The following VIPR2 variants were observed in gnomAD, a reference collection of about 807,000 sequenced individuals.
VIPR2 encodes the protein vasoactive intestinal polypeptide receptor 2.
In VIPR2, 48 loss-of-function variants were observed where a neutral mutation model predicts 58.0. The ratio of observed to expected loss-of-function variants is 0.83; its 90% CI spans 0.66 to 1.05. VIPR2 has a LOEUF of 1.05. VIPR2 is among the 50% of genes least tolerant of loss of function. The pLI is 0.00. For missense variants in VIPR2, 534 were observed against 558.0 expected (o/e 0.96, Z 0.43); for synonymous variants, 243 against 235.2 (o/e 1.03, Z -0.30).
intron 5 of VIPR2, among the ~76,000 whole-genome samples, chr7:159,048,971 G>C (rs989618891): frequency 6.6e-6 from 1 of 152,136 alleles, no homozygotes; most frequent in African/African-American, 2.4e-5. Context: ...CTCATTCTTA[G>C]CCTTCAGTTT....
intron 2 of VIPR2, among the ~76,000 whole-genome samples, chr7:159,126,355 G>A (rs996699152): frequency 1.3e-5 from 2 of 152,206 alleles, no homozygotes; most frequent in Non-Finnish European, 2.9e-5. Flanking sequence ...TAAAATATTT[G>A]CAAGTGATAT....
intron 3 of VIPR2, among the ~76,000 whole-genome samples, chr7:159,105,903 G>A (rs942525470): frequency 2.0e-5 from 3 of 152,176 alleles, no homozygotes; most frequent in South Asian, 2.1e-4. Flanking sequence ...TGGCCACTAC[G>A]ACTCACTGAG....
chr7:159,139,217 G>T (rs1450907605), intron 2 of VIPR2, among the ~76,000 whole-genome samples: 1 of 152,190 alleles, frequency 6.6e-6, no homozygotes, highest in Admixed American at 6.5e-5. Flanking sequence ...CGATAATTAA[G>T]ATAATTACAA....
chr7:159,066,986 C>G (rs1261343459), intron 4 of VIPR2, among the ~76,000 whole-genome samples: 1 of 152,192 alleles, frequency 6.6e-6, no homozygotes, highest in Non-Finnish European at 1.5e-5. Context: ...CACTGGCGCT[C>G]TCCAGCACGT....
intron 10 of VIPR2, among the ~76,000 whole-genome samples, chr7:159,033,074 C>A (rs1853688813): frequency 6.6e-6 from 1 of 152,180 alleles, no homozygotes; most frequent in Admixed American, 6.5e-5. Context: ...TTTTGCAATA[C>A]TCTGGTGCCA....
Position 159,044,161 on chromosome 7 carries a change from CT to C in VIPR2, c.456-986del, listed in dbSNP as rs113609793. ...CAAAGGCCTTTAGAGGGCACTTTTTCTTTTTTTTTCAGTTTTTTATCTCTTT... is the reference window on the plus strand; with the variant it reads ...CAAAGGCCTTTAGAGGGCACTTTTTCTTTTTTTTCAGTTTTTTATCTCTTT... On this transcript the variant is annotated intron_variant, in intron 5 of 12. Coordinates refer to ENST00000262178, the MANE Select transcript of VIPR2 (RefSeq NM_003382.5). Among the ~76,000 whole-genome samples the C allele has an allele frequency of 2.6e-3, 398 of 151,160 alleles. 2 individuals are homozygous for C. The highest frequency in any genetic ancestry group is 9.2e-3 in the African/African-American group (379 of 41,212).
chr7:159,049,369 C>A (rs1370176841), intron 5 of VIPR2, among the ~76,000 whole-genome samples: 1 of 152,210 alleles, frequency 6.6e-6, no homozygotes, highest in African/African-American at 2.4e-5. Context: ...GCAGCCGCAG[C>A]TGTGGGGACC....
chr7:159,135,004 G>GTTTTTTTTTTT lies in VIPR2; in HGVS notation c.151+7431_151+7441dup, dbSNP rs747914292. On this transcript the variant is annotated intron_variant, in intron 2 of 12. Transcript: ENST00000262178. ...TATTGGTCTTCTCTTAATTACAAAA[G>GTTTTTTTTTTT]TTTTTTTTTTTTTTTTTTTTTTTTT... Among the ~76,000 whole-genome samples the GTTTTTTTTTTT allele has an allele frequency of 2.0e-3, 134 of 65,918 alleles. 5 individuals carry two copies. Among genetic ancestry groups the GTTTTTTTTTTT allele is most frequent in the African/African-American group, 5.2e-3 (80 of 15,358 alleles). The allele number at this position is 65,918 out of a possible 152,430, so 43.2% of individuals were successfully genotyped here. A position where few individuals can be genotyped will look rare whatever the true frequency, so the allele number is the denominator to read the frequency against.
intron 2 of VIPR2, among the ~76,000 whole-genome samples, chr7:159,119,505 C>T (rs937123773): frequency 1.3e-5 from 2 of 152,210 alleles, no homozygotes; most frequent in Admixed American, 6.5e-5. Flanking sequence ...GCCTGCTGCA[C>T]GGGGGAGTGG....
rs998800236 is a variant in VIPR2, at chr7:159,127,567, A to C, written c.151+14879T>G. The stretch of plus-strand genomic sequence containing the variant: ...CCAATACATGTGGTTGGGATCCCTG[A>C]CCAGCCATCTCTGCCTAAAGAGAAG... On this transcript the variant is annotated intron_variant, in intron 2 of 12. Transcript: ENST00000262178. The surrounding 1 kb of genome is among the most constrained non-coding windows in gnomAD (Gnocchi z 4.6). Among the ~76,000 whole-genome samples the C allele has an allele frequency of 6.6e-6, 1 of 152,182 alleles. No homozygotes were observed. Among genetic ancestry groups the C allele is most frequent in the Non-Finnish European group, 1.5e-5 (1 of 68,036 alleles).
chr7:159,121,089 C>T lies in VIPR2; in HGVS notation c.152-11170G>A, dbSNP rs563965046. ...GAAACCTGCATGGGAAGAGGGGAGGCGTCTCCCTCCCATGCCCAGGGCGTG... is the reference window on the plus strand; with the variant it reads ...GAAACCTGCATGGGAAGAGGGGAGGTGTCTCCCTCCCATGCCCAGGGCGTG... On this transcript the variant is annotated intron_variant, in intron 2 of 12. Coordinates refer to ENST00000262178, the MANE Select transcript of VIPR2 (RefSeq NM_003382.5). Among the ~76,000 whole-genome samples, 241 of 152,234 alleles carry T rather than the reference C, an allele frequency of 1.6e-3. 1 individual carries two copies. The highest frequency in any genetic ancestry group is 5.5e-3 in the African/African-American group (228 of 41,544).
intron 9 of VIPR2, 125 bp from the exon 10 acceptor site, chr7:159,034,429 T>C: frequency 7.8e-7 from 1 of 1,284,376 alleles, no homozygotes; most frequent in Non-Finnish European, 1.1e-6. Context: ...GAACTGCCTC[T>C]GGGGGTCCAC....
intron 1 of VIPR2, 66 bp from the exon 2 acceptor site, chr7:159,142,611 A>C: frequency 2.3e-6 from 3 of 1,328,724 alleles, no homozygotes; most frequent in Non-Finnish European, 2.1e-6. Flanking sequence ...GCAAGCAAAA[A>C]TTCTACAAAA....
intron 8 of VIPR2, among the ~76,000 whole-genome samples, chr7:159,035,364 C>T (rs767614748): frequency 2.8e-4 from 42 of 152,188 alleles, no homozygotes; most frequent in Non-Finnish European, 4.1e-4. Context: ...AGAATCACAC[C>T]GTAACTAGAC....
At chr7:159,079,519 G>A (rs1190306365) in intron 4 of VIPR2, among the ~76,000 whole-genome samples, 4 of 152,096 alleles carry the variant, frequency 2.6e-5, no homozygotes, top group Non-Finnish European at 4.4e-5. Flanking sequence ...GAGAAAGCAG[G>A]AAAGATCTAA....
At chr7:159,046,776 A>G (rs955390454) in intron 5 of VIPR2, among the ~76,000 whole-genome samples, 2 of 152,360 alleles carry the variant, frequency 1.3e-5, no homozygotes, top group Middle Eastern at 6.8e-3. Flanking sequence ...CGATTCTTGC[A>G]TAAAAAAGAA....
rs144698784 is a variant in VIPR2, at chr7:159,078,156, T to C, written c.358-19578A>G. ...ACATTCAAACTGCAAATCAGGAAAA[T>C]TGTTCACATTGAAACTTCCCCCCCT... On this transcript the variant is annotated intron_variant, in intron 4 of 12. Coordinates refer to ENST00000262178, the MANE Select transcript of VIPR2 (RefSeq NM_003382.5). Among the ~76,000 whole-genome samples, 871 of 152,240 alleles carry C rather than the reference T, an allele frequency of 5.7e-3. 7 individuals are homozygous for C. Among genetic ancestry groups the C allele is most frequent in the African/African-American group, 0.02 (832 of 41,518 alleles).
chr7:159,045,462 G>A (rs1170532195), intron 5 of VIPR2, among the ~76,000 whole-genome samples: 1 of 152,156 alleles, frequency 6.6e-6, no homozygotes, highest in Non-Finnish European at 1.5e-5. Flanking sequence ...AGGGTGCCAA[G>A]GACATTCAAT....
chr7:159,043,268 T>C, intron 5 of VIPR2, 92 bp from the exon 6 acceptor site: 1 of 1,168,570 alleles, frequency 8.6e-7, no homozygotes, highest in South Asian at 1.9e-5. Context: ...CATACTATGA[T>C]CAGAGAAGCA....
Sources: gnomAD v4.1 joint callset for allele counts (sites outside exome capture counted in the v4.1 genomes callset) on GRCh38, gnomAD v4.1.1 for gene constraint, Gnocchi (gnomAD v3.1) non-coding constraint, MANE v1.5 for transcripts, NCBI Gene and HGNC (gene_info 2026-07-23, HGNC 2026-07-21) for gene names.